The following KIRREL3 variants were observed in gnomAD, a reference collection of about 807,000 sequenced individuals.
The protein encoded by KIRREL3 is kirre like nephrin family adhesion molecule 3, also known as kin of IRRE-like protein 3.
In KIRREL3, 36 loss-of-function variants were observed where a neutral mutation model predicts 89.7. The observed-to-expected ratio is 0.40, with a 90% confidence interval of 0.31 to 0.53. The LOEUF is 0.53. Among genes scored for constraint, KIRREL3 ranks in the 20% least tolerant of loss-of-function variants. KIRREL3 has a pLI of 0.49. For synonymous variants in KIRREL3, 445 were observed against 441.4 expected (o/e 1.01, Z -0.10); for missense variants, 864 against 1,056.6 (o/e 0.82, Z 2.53).
chr11:126,579,761 C>T lies in KIRREL3; in HGVS notation c.56-16849G>A, dbSNP rs1282359099. Among the ~76,000 whole-genome samples, 1 of 152,094 alleles carries T rather than the reference C, an allele frequency of 6.6e-6. No homozygotes were observed. Among genetic ancestry groups the T allele is most frequent in the African/African-American group, 2.4e-5 (1 of 41,414 alleles). ...CAACCACCCTCTCTGCTCTCATGAC[C>T]CCCTGCCTCTCTCCACCTCTGCGTG... On this transcript the variant is annotated intron_variant, in intron 1 of 16. Coordinates refer to ENST00000525144, the MANE Select transcript of KIRREL3 (RefSeq NM_032531.4). This position sits in a 1 kb window ranked among gnomAD's most constrained non-coding sequence, Gnocchi z 5.3.
chr11:126,900,253 A>T lies in KIRREL3; in HGVS notation c.55+100202T>A, dbSNP rs1422973647. On this transcript the variant is annotated intron_variant, in intron 1 of 16. Coordinates refer to ENST00000525144, the MANE Select transcript of KIRREL3 (RefSeq NM_032531.4). This position sits in a 1 kb window ranked among gnomAD's most constrained non-coding sequence, Gnocchi z 4.4. ...CCTTCAGTTTTGGATCACTTGAATT[A>T]TTCAAACCAAAGACGCCTTCACCAC... Among the ~76,000 whole-genome samples, 1 of 152,202 alleles carries T rather than the reference A, an allele frequency of 6.6e-6. No individual in the cohort carries two copies. The highest frequency in any genetic ancestry group is 1.5e-5 in the Non-Finnish European group (1 of 68,026).
intron 2 of KIRREL3, among the ~76,000 whole-genome samples, chr11:126,529,119 AC>A (rs1958859372): frequency 6.6e-6 from 1 of 152,116 alleles, no homozygotes; most frequent in Non-Finnish European, 1.5e-5. Context: ...ACAGTGGGTA[AC>A]CGTCCCGGTC....
Position 126,427,970 on chromosome 11 carries a change from G to A in KIRREL3, c.1806+1209C>T, listed in dbSNP as rs1320960892. ...AGGACCTGAAAATCAATTGGAGAGA[G>A]AAAGCGTAGCCGAGGGAAAAGTCAG... On this transcript the variant is annotated intron_variant, in intron 15 of 16. Coordinates refer to ENST00000525144, the MANE Select transcript of KIRREL3 (RefSeq NM_032531.4). The surrounding 1 kb of genome is among the most constrained non-coding windows in gnomAD (Gnocchi z 5.3). 2.0e-5 allele frequency among the ~76,000 whole-genome samples: 3 copies of A among 152,172 alleles called. No homozygotes were observed. The highest frequency in any genetic ancestry group is 4.4e-5 in the Non-Finnish European group (3 of 68,026).
At chr11:126,980,929 G>A (rs1411188855) in intron 1 of KIRREL3, among the ~76,000 whole-genome samples, 1 of 152,206 alleles carries the variant, frequency 6.6e-6, no homozygotes, top group African/African-American at 2.4e-5. Flanking sequence ...GAGTGTGAAC[G>A]TGGAAAGAAC....
chr11:126,442,930 G>C (rs769326836), intron 10 of KIRREL3, among the ~76,000 whole-genome samples: 2 of 152,246 alleles, frequency 1.3e-5, no homozygotes, highest in Non-Finnish European at 2.9e-5. Context: ...GGAGGGGAGA[G>C]AAAGAGACCT....
Position 126,627,959 on chromosome 11 carries a change from G to A in KIRREL3, c.56-65047C>T, listed in dbSNP as rs767856209. Among the ~76,000 whole-genome samples the A allele has an allele frequency of 7.2e-5, 11 of 152,212 alleles. No homozygotes were observed. Among genetic ancestry groups the A allele is most frequent in the Non-Finnish European group, 1.0e-4 (7 of 68,038 alleles). On this transcript the variant is annotated intron_variant, in intron 1 of 16. Coordinates refer to ENST00000525144, the MANE Select transcript of KIRREL3 (RefSeq NM_032531.4). The surrounding 1 kb of genome is among the most constrained non-coding windows in gnomAD (Gnocchi z 5.0). ...TCTCTCCCACCACCGAGCAAGGCTC[G>A]GTCTCCTGGTTTGAGAAACAGGAAT...
In KIRREL3 at chr11:126,551,110, A is replaced by G. The variant is rs1185665824; in HGVS notation, c.133+11725T>C. The stretch of plus-strand genomic sequence containing the variant: ...TATTCTAAAGGATATTACAAAGAAT[A>G]CAGATGAAGAGATTGGGGGGAAGGG... On this transcript the variant is annotated intron_variant, in intron 2 of 16. Transcript: ENST00000525144. The surrounding 1 kb of genome is among the most constrained non-coding windows in gnomAD (Gnocchi z 4.9). 6.6e-6 allele frequency among the ~76,000 whole-genome samples: 1 copy of G among 152,226 alleles called. No individual in the cohort carries two copies. Among genetic ancestry groups the G allele is most frequent in the African/African-American group, 2.4e-5 (1 of 41,458 alleles).
At position 126,631,124 on chromosome 11, in the gene KIRREL3, T is replaced by C. The variant is rs4937163; in HGVS notation, c.56-68212A>G. 2.0e-3 allele frequency among the ~76,000 whole-genome samples: 213 copies of C among 106,756 alleles called. 5 individuals are homozygous for C. In the South Asian group the frequency reaches 0.036, roughly 18 times the overall value. 70.0% of individuals were successfully genotyped at this position (106,756 alleles called of 152,430 possible). On this transcript the variant is annotated intron_variant, in intron 1 of 16. Transcript: ENST00000525144. The stretch of plus-strand genomic sequence containing the variant: ...TCTGTGCAATCAGTCTGTATGTATG[T>C]ATTCATTCATTCATTCATTCATTCA...
Position 126,776,769 on chromosome 11 carries a change from C to T in KIRREL3, c.56-213857G>A, listed in dbSNP as rs1449195619. Among the ~76,000 whole-genome samples, 1 of 152,182 alleles carries T rather than the reference C, an allele frequency of 6.6e-6. No individual in the cohort carries two copies. The highest frequency in any genetic ancestry group is 1.5e-5 in the Non-Finnish European group (1 of 68,026). Reference sequence around the variant, plus strand: ...CTTCTTTCACCAAGTCCTCTCCCTGCTGCTCTTTCCCATGGGAAGGGAGCA... The same window carrying T: ...CTTCTTTCACCAAGTCCTCTCCCTGTTGCTCTTTCCCATGGGAAGGGAGCA... On this transcript the variant is annotated intron_variant, in intron 1 of 16. Coordinates refer to ENST00000525144, the MANE Select transcript of KIRREL3 (RefSeq NM_032531.4). The surrounding 1 kb of genome is among the most constrained non-coding windows in gnomAD (Gnocchi z 4.7).
rs1351153667 is a variant in KIRREL3, at chr11:126,522,492, A to T, written c.284-1028T>A. Among the ~76,000 whole-genome samples, 1 of 152,176 alleles carries T rather than the reference A, an allele frequency of 6.6e-6. No homozygotes were observed. The highest frequency in any genetic ancestry group is 1.5e-5 in the Non-Finnish European group (1 of 68,036). On this transcript the variant is annotated intron_variant, in intron 3 of 16. Transcript: ENST00000525144. The surrounding 1 kb of genome is among the most constrained non-coding windows in gnomAD (Gnocchi z 6.0). ...AGCCCCAGGTCCTGGTGACGCACTT[A>T]TGAAGTGCTCAGGACGCTTAAGAAT...
intron 1 of KIRREL3, among the ~76,000 whole-genome samples, chr11:126,756,212 A>C (rs1387660119): frequency 1.3e-5 from 2 of 152,248 alleles, no homozygotes; most frequent in African/African-American, 4.8e-5. Flanking sequence ...ATCATTCAAA[A>C]TAAGATTCCC....
chr11:126,973,272 T>C (rs1758728164), intron 1 of KIRREL3, among the ~76,000 whole-genome samples: 2 of 152,106 alleles, frequency 1.3e-5, no homozygotes, highest in South Asian at 4.2e-4. Context: ...TACAGTCCCA[T>C]ATTGCCAAGT....
chr11:126,569,865 G>A lies in KIRREL3; in HGVS notation c.56-6953C>T, dbSNP rs910385220. Among the ~76,000 whole-genome samples, 5 of 152,126 alleles carry A rather than the reference G, an allele frequency of 3.3e-5. No individual in the cohort carries two copies. Among genetic ancestry groups the A allele is most frequent in the African/African-American group, 9.7e-5 (4 of 41,412 alleles). On this transcript the variant is annotated intron_variant, in intron 1 of 16. Transcript: ENST00000525144. This position sits in a 1 kb window ranked among gnomAD's most constrained non-coding sequence, Gnocchi z 6.5. Reference sequence around the variant, plus strand: ...GCCATCAGTAGCCATTCTGCCCAGCGATGCCATTCTGATTGCAGAATGATG... The same window carrying A: ...GCCATCAGTAGCCATTCTGCCCAGCAATGCCATTCTGATTGCAGAATGATG...
rs922103748 is a variant in KIRREL3, at chr11:126,740,899, C to T, written c.56-177987G>A. Among the ~76,000 whole-genome samples, 1 of 152,082 alleles carries T rather than the reference C, an allele frequency of 6.6e-6. No homozygotes were observed. Among genetic ancestry groups the T allele is most frequent in the Non-Finnish European group, 1.5e-5 (1 of 68,010 alleles). On this transcript the variant is annotated intron_variant, in intron 1 of 16. Transcript: ENST00000525144. The surrounding 1 kb of genome is among the most constrained non-coding windows in gnomAD (Gnocchi z 6.0). ...AAGATATCCATTGTTCCATGAGAGT[C>T]CCCCATGGTAGAGTGAGTGACAAGG...
rs1390496519 is a variant in KIRREL3 at position 126,562,786 on chromosome 11, C to T, written c.133+49G>A. 1 of 1,474,726 alleles carries T rather than the reference C, an allele frequency of 6.8e-7. No individual in the cohort carries two copies. The highest frequency in any genetic ancestry group is 2.3e-5 in the East Asian group (1 of 44,216). The allele number at this position is 1,474,726 out of a possible 1,614,324, so 91.4% of individuals were successfully genotyped here. A position where few individuals can be genotyped will look rare whatever the true frequency, so the allele number is the denominator to read the frequency against. ...TCTGTCCTGTGGCTGTAGGGGAGAG[C>T]TTCCTCCCTCCAGATTACTCCCGAG... On this transcript the variant is annotated intron_variant, in intron 2 of 16. Transcript: ENST00000525144. The surrounding 1 kb of genome is among the most constrained non-coding windows in gnomAD (Gnocchi z 4.7).
rs1182652490 is a variant in KIRREL3 at position 126,817,866 on chromosome 11, C to T, written c.55+182589G>A. Among the ~76,000 whole-genome samples the T allele has an allele frequency of 7.9e-5, 12 of 152,306 alleles. No individual in the cohort carries two copies. In the South Asian group the frequency reaches 8.3e-4, roughly 11 times the overall value. ...CTGAGGGGGTCATTATGTGGACCCA[C>T]TACAACCCACGGGTGGGAAGCTCTA... On this transcript the variant is annotated intron_variant, in intron 1 of 16. Transcript: ENST00000525144. The surrounding 1 kb of genome is among the most constrained non-coding windows in gnomAD (Gnocchi z 5.7).
rs114512713 is a variant in KIRREL3, at chr11:126,574,320, C to G, written c.56-11408G>C. ...CCAAACTCCCCCACCTCCTTCAGAGCCCCATATCCAAGCTGGTGGCCCAGC... is the reference window on the plus strand; with the variant it reads ...CCAAACTCCCCCACCTCCTTCAGAGGCCCATATCCAAGCTGGTGGCCCAGC... On this transcript the variant is annotated intron_variant, in intron 1 of 16. Coordinates refer to ENST00000525144, the MANE Select transcript of KIRREL3 (RefSeq NM_032531.4). This position sits in a 1 kb window ranked among gnomAD's most constrained non-coding sequence, Gnocchi z 5.3. Among the ~76,000 whole-genome samples the G allele has an allele frequency of 5.5e-3, 843 of 152,300 alleles. 11 individuals are homozygous for G. The highest frequency in any genetic ancestry group is 0.018 in the African/African-American group (741 of 41,570).
rs1248683962 is a variant in KIRREL3, at chr11:126,442,266, AAAAAAAC to A, written c.1253-1724_1253-1718del. 1.0e-4 allele frequency among the ~76,000 whole-genome samples: 10 copies of A among 98,158 alleles called. No individual in the cohort carries two copies. The East Asian group carries it at 2.1e-3, about 20-fold the overall frequency. 64.4% of individuals were successfully genotyped at this position (98,158 alleles called of 152,430 possible). ...ACAGAGCGAGACTCCAGCTCAAAAA[AAAAAAAC>A]AAAAAAAAAACAAAAAACCCAACAT... On this transcript the variant is annotated intron_variant, in intron 10 of 16. Coordinates refer to ENST00000525144, the MANE Select transcript of KIRREL3 (RefSeq NM_032531.4).
At position 126,664,633 on chromosome 11, in the gene KIRREL3, T is replaced by C. The variant is rs149314995; in HGVS notation, c.56-101721A>G. 0.016 allele frequency among the ~76,000 whole-genome samples: 2,368 copies of C among 152,332 alleles called. 26 individuals are homozygous for C. Among genetic ancestry groups the C allele is most frequent in the Admixed American group, 0.016 (252 of 15,304 alleles). ...GGATCACCATTGTTACCAGCTCCGA[T>C]GTGCCCTTCCTGCATGCCAAAGCCA... On this transcript the variant is annotated intron_variant, in intron 1 of 16. Coordinates refer to ENST00000525144, the MANE Select transcript of KIRREL3 (RefSeq NM_032531.4). The surrounding 1 kb of genome is among the most constrained non-coding windows in gnomAD (Gnocchi z 5.4).
Sources: allele counts gnomAD v4.1 joint callset (sites outside exome capture counted in the v4.1 genomes callset), GRCh38; gene constraint gnomAD v4.1.1; non-coding constraint Gnocchi (gnomAD v3.1); transcripts MANE v1.5; gene names NCBI Gene and HGNC (gene_info 2026-07-23, HGNC 2026-07-21).